Variants in LMBR1 observed in about 807,000 individuals in gnomAD.
The protein encoded by LMBR1 is limb region 1 protein homolog.
In LMBR1, 52 loss-of-function variants were observed where a neutral mutation model predicts 73.9. The observed-to-expected ratio is 0.70, with a 90% confidence interval of 0.56 to 0.89. The LOEUF (loss-of-function observed/expected upper bound fraction) is 0.89. Ranked by LOEUF, LMBR1 falls within the 40% of genes least tolerant of loss-of-function variation. The pLI is 0.00. For synonymous variants in LMBR1, 215 were observed against 209.4 expected, an observed-to-expected ratio of 1.03 and a Z score of -0.23; for missense variants, 539 against 579.8, an observed-to-expected ratio of 0.93 and a Z score of 0.72.
At chr7:156,798,003 C>T (rs1438224835) in intron 4 of LMBR1, among the ~76,000 whole-genome samples, 1 of 151,704 alleles carries the variant, frequency 6.6e-6, no homozygotes. Context: ...ATTCTGTTTT[C>T]TTTATTCAAA....
At chr7:156,888,435 CAT>C (rs1384863246) in intron 1 of LMBR1, among the ~76,000 whole-genome samples, 1 of 145,446 alleles carries the variant, frequency 6.9e-6, no homozygotes, top group Admixed American at 6.8e-5. Flanking sequence ...AAAAATTAAA[CAT>C]AGAATTATCA....
intron 4 of LMBR1, among the ~76,000 whole-genome samples, chr7:156,819,910 A>G (rs930971172): frequency 5.3e-5 from 8 of 152,174 alleles, no homozygotes; most frequent in African/African-American, 1.9e-4. Context: ...CTGTGGAGTG[A>G]GGGCTATTAT....
downstream of LMBR1, among the ~76,000 whole-genome samples, chr7:156,672,916 C>A (rs143033981): frequency 3.1e-3 from 475 of 152,288 alleles, 6 homozygotes; most frequent in African/African-American, 0.011. Flanking sequence ...GTTCTTAAAC[C>A]TGAATGGGCC....
At chr7:156,856,187 T>C (rs1342988197) in intron 1 of LMBR1, among the ~76,000 whole-genome samples, 1 of 152,058 alleles carries the variant, frequency 6.6e-6, no homozygotes, top group Non-Finnish European at 1.5e-5. Context: ...AGAGCAAGAC[T>C]CTGTCTCAAT....
In LMBR1 at chr7:156,682,552, T is replaced by C. The variant is rs1299354704; in HGVS notation, c.*1526A>G. ...TAGAATCACAAAATGAATGTTCTTTTATTTTAAAACCAAGCTGCATTTTAG... is the reference window on the plus strand; with the variant it reads ...TAGAATCACAAAATGAATGTTCTTTCATTTTAAAACCAAGCTGCATTTTAG... On this transcript the variant is annotated 3_prime_UTR_variant, in exon 17 of 17. Transcript: ENST00000353442. The C allele has an allele frequency of 6.6e-6, 1 of 152,214 alleles. No homozygotes were observed. The highest frequency in any genetic ancestry group is 6.5e-5 in the Admixed American group (1 of 15,276). 9.4% of individuals were successfully genotyped at this position (152,214 alleles called of 1,614,324 possible).
chr7:156,879,709 C>G (rs957084280), intron 1 of LMBR1, among the ~76,000 whole-genome samples: 5 of 150,194 alleles, frequency 3.3e-5, no homozygotes, highest in Non-Finnish European at 5.9e-5. Context: ...ACAAACAATT[C>G]CCAAAAGAAG....
intron 15 of LMBR1, among the ~76,000 whole-genome samples, chr7:156,692,468 T>G (rs563322725): frequency 6.6e-6 from 1 of 152,238 alleles, no homozygotes; most frequent in African/African-American, 2.4e-5. Context: ...GGCTCCAGCC[T>G]ATATGGAGTA....
intron 5 of LMBR1, among the ~76,000 whole-genome samples, chr7:156,769,514 A>G (rs893164595): frequency 6.6e-6 from 1 of 152,194 alleles, no homozygotes; most frequent in African/African-American, 2.4e-5. Context: ...CTGGAATACA[A>G]GGTCCTTGTT....
chr7:156,805,943 G>A (rs776271851), intron 4 of LMBR1, among the ~76,000 whole-genome samples: 9 of 152,266 alleles, frequency 5.9e-5, no homozygotes, highest in East Asian at 3.9e-4. Context: ...GGAAGGATGC[G>A]AGGAGACAAC....
intron 1 of LMBR1, among the ~76,000 whole-genome samples, chr7:156,852,719 A>G (rs1050371444): frequency 6.6e-6 from 1 of 152,202 alleles, no homozygotes; most frequent in African/African-American, 2.4e-5. Context: ...TGTCACAACC[A>G]GGTGAATCGT....
chr7:156,709,432 C>T (rs2132162975), intron 15 of LMBR1, among the ~76,000 whole-genome samples: 1 of 152,330 alleles, frequency 6.6e-6, no homozygotes, highest in South Asian at 2.1e-4. Flanking sequence ...ATACCTACAA[C>T]CAGGAACTCT....
At chr7:156,676,386 C>A (rs753204431), downstream of LMBR1, 2 of 1,614,006 alleles carry the variant, frequency 1.2e-6, no homozygotes, top group Non-Finnish European at 1.7e-6. Context: ...TGAAACTAAC[C>A]CGCGTGGCCT....
intron 4 of LMBR1, among the ~76,000 whole-genome samples, chr7:156,808,552 G>C (rs909852045): frequency 4.1e-4 from 62 of 152,208 alleles, no homozygotes; most frequent in African/African-American, 1.4e-3. Flanking sequence ...TTTAGTTGTA[G>C]TGTTTAGAAC....
chr7:156,777,448 C>T (rs1826355322), intron 5 of LMBR1, among the ~76,000 whole-genome samples: 1 of 152,140 alleles, frequency 6.6e-6, no homozygotes, highest in African/African-American at 2.4e-5. Flanking sequence ...TCCCTTTTCT[C>T]CTGTGGCCCA....
At chr7:156,859,441 TTATG>T (rs1400795067) in intron 1 of LMBR1, among the ~76,000 whole-genome samples, 3 of 152,128 alleles carry the variant, frequency 2.0e-5, no homozygotes, top group Non-Finnish European at 4.4e-5. Context: ...ACATGATTGT[TTATG>T]TAGAAAATCC....
At chr7:156,718,046 C>T (rs1813609185) in intron 15 of LMBR1, among the ~76,000 whole-genome samples, 1 of 152,112 alleles carries the variant, frequency 6.6e-6, no homozygotes, top group Non-Finnish European at 1.5e-5. Flanking sequence ...ACACAATTTC[C>T]TACAAATGAA....
At chr7:156,697,110 A>G (rs920549590) in intron 15 of LMBR1, among the ~76,000 whole-genome samples, 48 of 152,356 alleles carry the variant, frequency 3.2e-4, no homozygotes, top group African/African-American at 1.0e-3. Flanking sequence ...GTGACATCAC[A>G]TATCAGTAGG....
chr7:156,796,730 T>C (rs758278591), intron 4 of LMBR1, among the ~76,000 whole-genome samples: 9 of 152,104 alleles, frequency 5.9e-5, no homozygotes, highest in Non-Finnish European at 1.3e-4. Flanking sequence ...CTAAAGTAAA[T>C]TCACTAAAAA....
At chr7:156,883,086 T>C (rs1290775608) in intron 1 of LMBR1, among the ~76,000 whole-genome samples, 2 of 150,904 alleles carry the variant, frequency 1.3e-5, no homozygotes, top group African/African-American at 4.9e-5. Context: ...GTATTCTTAC[T>C]GCAATACAAT....
Sources: allele counts gnomAD v4.1 joint callset (sites outside exome capture counted in the v4.1 genomes callset), GRCh38; gene constraint gnomAD v4.1.1; transcripts MANE v1.5; gene names NCBI Gene and HGNC (gene_info 2026-07-23, HGNC 2026-07-21).